PCDHGA1: variants seen among roughly 807,000 people sequenced by gnomAD.
PCDHGA1 encodes the protein protocadherin gamma subfamily A, 1.
A neutral mutation model predicts 58.0 loss-of-function variants in PCDHGA1; 32 were observed. The ratio of observed to expected loss-of-function variants is 0.55; its 90% CI spans 0.42 to 0.74. The LOEUF is 0.74. PCDHGA1 is among the 30% of genes least tolerant of loss of function. The pLI, the probability that PCDHGA1 is intolerant of heterozygous loss-of-function variation, is 0.00. For missense variants in PCDHGA1, 1,205 were observed against 1,182.3 expected, an observed-to-expected ratio of 1.02 and a Z score of -0.28; for synonymous variants, 498 against 501.1, an observed-to-expected ratio of 0.99 and a Z score of 0.08.
At chr5:141,341,155 A>T (rs773803560) in intron 1 of PCDHGA1, 2 of 1,613,776 alleles carry the variant, frequency 1.2e-6, no homozygotes, top group East Asian at 4.5e-5. Flanking sequence ...TGCAGGCTTC[A>T]GGAGGCAGCT....
intron 1 of PCDHGA1, among the ~76,000 whole-genome samples, chr5:141,481,655 T>A (rs933683728): frequency 1.3e-5 from 2 of 152,054 alleles, no homozygotes; most frequent in African/African-American, 4.8e-5. Flanking sequence ...TCATCTCTAC[T>A]AATAATACAA....
intron 1 of PCDHGA1, among the ~76,000 whole-genome samples, chr5:141,402,647 A>C (rs2094289901): frequency 6.6e-6 from 1 of 152,250 alleles, no homozygotes; most frequent in Non-Finnish European, 1.5e-5. Flanking sequence ...TCATAATTAG[A>C]AGAGAGTAGT....
intron 1 of PCDHGA1, chr5:141,415,739 GGTTTTTTTTT>G: frequency 6.9e-6 from 3 of 434,948 alleles, no homozygotes; most frequent in Middle Eastern, 6.4e-4. Context: ...TGTTTATTAA[GGTTTTTTTTT>G]TTTTTTTTTT....
chr5:141,346,668 T>A (rs2149741618), intron 1 of PCDHGA1: 12 of 708,510 alleles, frequency 1.7e-5, no homozygotes, highest in Middle Eastern at 4.0e-4. Context: ...AAATAATACA[T>A]CGTGAGTGAA....
Position 141,487,421 on chromosome 5 carries a change from C to T in PCDHGA1, c.2422-7386C>T. ...GGGGCTTCCCCCTTCCAATGGGATC[C>T]TCCGAATCCAGCTAGGGTCAGATGA... On this transcript the variant is annotated intron_variant, in intron 1 of 3. Coordinates refer to ENST00000517417, the MANE Select transcript of PCDHGA1 (RefSeq NM_018912.3). This position sits in a 1 kb window ranked among gnomAD's most constrained non-coding sequence, Gnocchi z 5.0. The T allele has an allele frequency of 6.2e-7, 1 of 1,614,144 alleles. No homozygotes were observed. The highest frequency in any genetic ancestry group is 1.1e-5 in the South Asian group (1 of 91,082).
intron 1 of PCDHGA1, chr5:141,392,663 A>C: frequency 1.2e-6 from 1 of 810,712 alleles, no homozygotes; most frequent in Non-Finnish European, 1.8e-6. Flanking sequence ...GATGCCACAA[A>C]CTAACTGCTG....
rs746848714 is a variant in PCDHGA1, at chr5:141,357,268, A to G, written c.2421+24163A>G. 1.9e-6 allele frequency: 3 copies of G among 1,613,280 alleles called. No homozygotes were observed. The South Asian group carries it at 3.3e-5, about 18-fold the overall frequency. On this transcript the variant is annotated intron_variant, in intron 1 of 3. Transcript: ENST00000517417. ...AGCAGACCCAGACGACTCGGGCCTCACACTCTATCTCGTGGTGGCAGTGGC... is the reference window on the plus strand; with the variant it reads ...AGCAGACCCAGACGACTCGGGCCTCGCACTCTATCTCGTGGTGGCAGTGGC...
intron 2 of PCDHGA1, among the ~76,000 whole-genome samples, chr5:141,499,234 A>G (rs1294400331): frequency 6.6e-6 from 1 of 152,008 alleles, no homozygotes; most frequent in Non-Finnish European, 1.5e-5. Flanking sequence ...AGCTGTCCCC[A>G]GCCTCTGCAC....
chr5:141,357,261 G>C lies in PCDHGA1; in HGVS notation c.2421+24156G>C, dbSNP rs373241881. ...AGCCTTCAGCAGACCCAGACGACTC[G>C]GGCCTCACACTCTATCTCGTGGTGG... is the stretch of plus-strand genomic sequence containing the variant. On this transcript the variant is annotated intron_variant, in intron 1 of 3. Coordinates refer to ENST00000517417, the MANE Select transcript of PCDHGA1 (RefSeq NM_018912.3). 86 of 1,613,714 alleles carry C rather than the reference G, an allele frequency of 5.3e-5. No homozygotes were observed. The African/African-American group carries it at 1.0e-3, about 19-fold the overall frequency.
chr5:141,478,378 G>C, intron 1 of PCDHGA1: 1 of 1,613,558 alleles, frequency 6.2e-7, no homozygotes, highest in Non-Finnish European at 8.5e-7. Flanking sequence ...TGATGTCGCC[G>C]CACCTTTACC....
chr5:141,367,606 T>A (rs1765261229), intron 1 of PCDHGA1: 1 of 152,056 alleles, frequency 6.6e-6, no homozygotes, highest in African/African-American at 2.4e-5. Context: ...ATATTAATGA[T>A]AACATGTAGC....
chr5:141,362,137 C>T (rs1458069955), intron 1 of PCDHGA1: 1 of 1,614,034 alleles, frequency 6.2e-7, no homozygotes, highest in Admixed American at 1.7e-5. Flanking sequence ...CGCGGATAGC[C>T]TGCAAGAGGT....
intron 1 of PCDHGA1, chr5:141,392,821 C>G: frequency 6.3e-7 from 1 of 1,594,632 alleles, no homozygotes; most frequent in Non-Finnish European, 8.5e-7. Context: ...ACAATGGCCG[C>G]TCCACAGAGT....
intron 1 of PCDHGA1, among the ~76,000 whole-genome samples, chr5:141,447,787 T>C (rs1025269338): frequency 1.3e-5 from 2 of 152,106 alleles, no homozygotes; most frequent in Non-Finnish European, 2.9e-5. Context: ...TGAAAATAAA[T>C]TTAAGAAAAT....
At chr5:141,341,322 G>A (rs759438213) in intron 1 of PCDHGA1, 2 of 1,614,120 alleles carry the variant, frequency 1.2e-6, no homozygotes. Flanking sequence ...AGCCAGGAGA[G>A]CTGTGAGAAA....
At chr5:141,450,835 T>TATTA (rs1438371595) in intron 1 of PCDHGA1, among the ~76,000 whole-genome samples, 1 of 142,096 alleles carries the variant, frequency 7.0e-6, no homozygotes, top group Admixed American at 6.9e-5. Context: ...TATTATTTTT[T>TATTA]TTTTTTTGAG....
intron 1 of PCDHGA1, chr5:141,377,601 C>G: frequency 7.5e-6 from 1 of 133,100 alleles, no homozygotes; most frequent in South Asian, 2.3e-4. Flanking sequence ...TTCTCTCTCT[C>G]TCTCAAAAAA....
At chr5:141,478,584 T>G in intron 1 of PCDHGA1, 1 of 1,577,982 alleles carries the variant, frequency 6.3e-7, no homozygotes, top group Non-Finnish European at 8.6e-7. Flanking sequence ...CTGTTAGTGC[T>G]TTTTTATTCC....
At chr5:141,353,932 T>C (rs1212162899) in intron 1 of PCDHGA1, among the ~76,000 whole-genome samples, 2 of 152,254 alleles carry the variant, frequency 1.3e-5, no homozygotes, top group Non-Finnish European at 2.9e-5. Context: ...TCATTTCTAC[T>C]GCTAATTGTT....
Sources: gnomAD v4.1 joint callset for allele counts (sites outside exome capture counted in the v4.1 genomes callset) on GRCh38, gnomAD v4.1.1 for gene constraint, Gnocchi (gnomAD v3.1) non-coding constraint, MANE v1.5 for transcripts, NCBI Gene and HGNC (gene_info 2026-07-23, HGNC 2026-07-21) for gene names.